The following ZBTB20 variants were observed in gnomAD, a reference collection of about 807,000 sequenced individuals.
The protein encoded by ZBTB20 is zinc finger and BTB domain containing 20.
Under a neutral mutation model 56.9 loss-of-function variants are expected in ZBTB20, and 9 were observed. That is an observed-to-expected ratio of 0.16 (90% CI 0.10 to 0.28). ZBTB20 has a LOEUF of 0.28. Ranked by LOEUF, ZBTB20 falls within the 10% of genes least tolerant of loss-of-function variation. ZBTB20 has a pLI of 1.00. For synonymous variants in ZBTB20, 417 were observed against 420.7 expected (o/e 0.99, Z 0.11); for missense variants, 655 against 1,003.0 (o/e 0.65, Z 4.69).
intron 4 of ZBTB20, among the ~76,000 whole-genome samples, chr3:114,870,732 C>T (rs1560344486): frequency 1.3e-5 from 2 of 152,034 alleles, no homozygotes; most frequent in Non-Finnish European, 2.9e-5. Context: ...AAGAATAAGA[C>T]AGAAAATCTC....
At chr3:114,498,953 T>C (rs1246739903) in intron 7 of ZBTB20, among the ~76,000 whole-genome samples, 1 of 152,158 alleles carries the variant, frequency 6.6e-6, no homozygotes, top group Non-Finnish European at 1.5e-5. Context: ...ATCCCGGTGA[T>C]GTGAGGATTA....
chr3:114,877,535 T>C (rs923378683), intron 4 of ZBTB20, among the ~76,000 whole-genome samples: 1 of 152,224 alleles, frequency 6.6e-6, no homozygotes, highest in Non-Finnish European at 1.5e-5. Flanking sequence ...AAAATGCTGC[T>C]GTGGAGATTA....
intron 5 of ZBTB20, among the ~76,000 whole-genome samples, chr3:114,790,619 T>G (rs932516414): frequency 1.3e-5 from 2 of 151,860 alleles, no homozygotes; most frequent in African/African-American, 4.8e-5. Context: ...CAAATTTTAC[T>G]AAAAGTATTA....
intron 5 of ZBTB20, among the ~76,000 whole-genome samples, chr3:114,779,669 G>C (rs2069912136): frequency 6.6e-6 from 1 of 152,162 alleles, no homozygotes; most frequent in Non-Finnish European, 1.5e-5. Flanking sequence ...ACAAATATAA[G>C]AGGATGCCTT....
intron 10 of ZBTB20, among the ~76,000 whole-genome samples, chr3:114,358,170 T>C (rs2108288676): frequency 6.6e-6 from 1 of 152,320 alleles, no homozygotes; most frequent in Admixed American, 6.5e-5. Context: ...AATATACACA[T>C]CTAATCAGCC....
chr3:114,791,940 C>T (rs1054682897), intron 5 of ZBTB20: 1 of 152,190 alleles, frequency 6.6e-6, no homozygotes, highest in African/African-American at 2.4e-5. Context: ...GGCTTCCTCC[C>T]TTTTCCAGTT....
intron 2 of ZBTB20, among the ~76,000 whole-genome samples, chr3:115,037,255 C>G (rs2080963274): frequency 6.6e-6 from 1 of 152,100 alleles, no homozygotes; most frequent in Non-Finnish European, 1.5e-5. Flanking sequence ...CCACATCTAT[C>G]TGAATCCAAA....
chr3:115,128,784 G>A (rs1358643052), intron 1 of ZBTB20, among the ~76,000 whole-genome samples: 2 of 150,914 alleles, frequency 1.3e-5, no homozygotes, highest in African/African-American at 4.9e-5. Flanking sequence ...GGGAGAAAGA[G>A]CAAAGACTGT....
chr3:114,987,539 T>G (rs1184836121), intron 2 of ZBTB20, among the ~76,000 whole-genome samples: 1 of 152,196 alleles, frequency 6.6e-6, no homozygotes, highest in Non-Finnish European at 1.5e-5. Context: ...GTGCTCACAT[T>G]TCACTTGTGA....
intron 6 of ZBTB20, among the ~76,000 whole-genome samples, chr3:114,533,629 T>C (rs1300759158): frequency 1.3e-5 from 2 of 151,982 alleles, no homozygotes; most frequent in Non-Finnish European, 2.9e-5. Flanking sequence ...ATTCAGGAAA[T>C]ACAGAGAACA....
At chr3:114,725,462 T>G (rs1195258907) in intron 5 of ZBTB20, among the ~76,000 whole-genome samples, 2 of 152,204 alleles carry the variant, frequency 1.3e-5, no homozygotes, top group Non-Finnish European at 2.9e-5. Context: ...TATTTCCTCC[T>G]CTAAATGCAT....
chr3:114,576,907 TTA>T (rs1200607073), intron 6 of ZBTB20, among the ~76,000 whole-genome samples: 2 of 152,036 alleles, frequency 1.3e-5, no homozygotes, highest in Non-Finnish European at 2.9e-5. Flanking sequence ...AAAACGAATA[TTA>T]GTTAATTTAA....
intron 6 of ZBTB20, among the ~76,000 whole-genome samples, chr3:114,683,488 G>C (rs1415194704): frequency 6.6e-6 from 1 of 152,066 alleles, no homozygotes; most frequent in East Asian, 1.9e-4. Context: ...CCCTCCAAAG[G>C]CTTCAGTACA....
chr3:114,903,430 G>A (rs1206811083), intron 3 of ZBTB20, among the ~76,000 whole-genome samples: 3 of 152,020 alleles, frequency 2.0e-5, no homozygotes, highest in African/African-American at 7.2e-5. Flanking sequence ...ACTAAGCTAG[G>A]CAAGGAGTAA....
At chr3:114,553,879 C>A (rs1480165616) in intron 6 of ZBTB20, among the ~76,000 whole-genome samples, 3 of 152,108 alleles carry the variant, frequency 2.0e-5, no homozygotes, top group Non-Finnish European at 4.4e-5. Context: ...TATTTATCTT[C>A]CTTATAATAG....
intron 1 of ZBTB20, among the ~76,000 whole-genome samples, chr3:115,095,735 A>G (rs982345637): frequency 1.3e-5 from 2 of 152,164 alleles, no homozygotes; most frequent in Non-Finnish European, 2.9e-5. Flanking sequence ...AGGGGAGCTC[A>G]AGGATATTTT....
chr3:114,449,470 A>T (rs1313382636), intron 7 of ZBTB20, among the ~76,000 whole-genome samples: 2 of 152,194 alleles, frequency 1.3e-5, no homozygotes, highest in African/African-American at 4.8e-5. Context: ...AAGTGAGGAA[A>T]CATCAAACAG....
intron 4 of ZBTB20, among the ~76,000 whole-genome samples, chr3:114,890,012 G>A (rs913326579): frequency 3.3e-5 from 5 of 152,170 alleles, no homozygotes; most frequent in East Asian, 1.9e-4. Flanking sequence ...GAAACTGAGC[G>A]TAAAAGCACA....
intron 6 of ZBTB20, among the ~76,000 whole-genome samples, chr3:114,620,441 C>T (rs1352663826): frequency 6.6e-6 from 1 of 152,040 alleles, no homozygotes; most frequent in Admixed American, 6.5e-5. Context: ...TACACGCATG[C>T]GCCACCATGC....
Sources: allele counts gnomAD v4.1 joint callset (sites outside exome capture counted in the v4.1 genomes callset), GRCh38; gene constraint gnomAD v4.1.1; transcripts MANE v1.5; gene names NCBI Gene and HGNC (gene_info 2026-07-23, HGNC 2026-07-21).